EDAR: variants seen among roughly 807,000 people sequenced by gnomAD.
EDAR encodes the protein ectodysplasin A receptor, also known as tumor necrosis factor receptor superfamily member EDAR.
EDAR carries 38 observed loss-of-function variants against 51.3 expected under a neutral mutation model. The observed-to-expected ratio is 0.74, with a 90% CI of 0.57 to 0.97. The LOEUF (loss-of-function observed/expected upper bound fraction) is 0.97, where lower values mean the gene tolerates loss of function less well. EDAR is among the 50% of genes least tolerant of loss of function. The pLI is 0.00. For missense variants in EDAR, 528 were observed against 595.0 expected, an observed-to-expected ratio of 0.89 and a Z score of 1.17; for synonymous variants, 227 against 242.1, an observed-to-expected ratio of 0.94 and a Z score of 0.58.
intron 1 of EDAR, among the ~76,000 whole-genome samples, chr2:108,934,442 G>T (rs552390020): frequency 1.3e-5 from 2 of 152,326 alleles, no homozygotes; most frequent in Admixed American, 6.5e-5. Context: ...CCTGACTGAC[G>T]TGGGGCTCCA....
chr2:108,967,761 A>G (rs1698172695), intron 1 of EDAR, among the ~76,000 whole-genome samples: 1 of 152,154 alleles, frequency 6.6e-6, no homozygotes, highest in South Asian at 2.1e-4. Context: ...TAGACGGTGG[A>G]TTTCTGCTTG....
At chr2:108,952,444 G>C (rs537481080) in intron 1 of EDAR, among the ~76,000 whole-genome samples, 1 of 152,200 alleles carries the variant, frequency 6.6e-6, no homozygotes. Context: ...GATTAGGAAG[G>C]TTCAATTGAT....
At chr2:108,926,325 G>A (rs1386367697) in intron 4 of EDAR, among the ~76,000 whole-genome samples, 1 of 152,158 alleles carries the variant, frequency 6.6e-6, no homozygotes, top group African/African-American at 2.4e-5. Flanking sequence ...TTCTACATAG[G>A]TTGATTCAGG....
intron 11 of EDAR, among the ~76,000 whole-genome samples, chr2:108,902,701 C>A (rs1696724920): frequency 6.6e-6 from 1 of 152,102 alleles, no homozygotes; most frequent in South Asian, 2.1e-4. Flanking sequence ...ATGGCTTATT[C>A]CAGGGAGGCA....
At chr2:108,959,566 C>T (rs968826692) in intron 1 of EDAR, among the ~76,000 whole-genome samples, 8 of 152,152 alleles carry the variant, frequency 5.3e-5, no homozygotes, top group Non-Finnish European at 1.0e-4. Flanking sequence ...ACCTGGTTCT[C>T]ACAGCAGTCA....
rs554266147 is a variant in EDAR, at chr2:108,977,331, C to T, written c.-19+11629G>A. 2.6e-5 allele frequency among the ~76,000 whole-genome samples: 4 copies of T among 152,294 alleles called. No individual in the cohort carries two copies. In the East Asian group the frequency reaches 5.8e-4, roughly 22 times the overall value. The stretch of plus-strand genomic sequence containing the variant: ...TCGCCCAGGCTGGAATGCAGTGGCG[C>T]GATCTCGGCTCACTGCAAGCTGCGC... On this transcript the variant is annotated intron_variant, in intron 1 of 11. Coordinates refer to ENST00000258443, the MANE Select transcript of EDAR (RefSeq NM_022336.4).
intron 11 of EDAR, among the ~76,000 whole-genome samples, chr2:108,905,067 A>G (rs1014812541): frequency 6.6e-6 from 1 of 152,196 alleles, no homozygotes; most frequent in African/African-American, 2.4e-5. Context: ...ACAAAAAACA[A>G]AGAGACACAG....
chr2:108,922,547 G>A (rs1161492232), intron 5 of EDAR, among the ~76,000 whole-genome samples: 3 of 152,150 alleles, frequency 2.0e-5, no homozygotes, highest in Non-Finnish European at 4.4e-5. Context: ...CTTCTTTCCA[G>A]CGTGATAAGA....
At position 108,894,590 on chromosome 2, in the gene EDAR, G is replaced by GTGTT. The variant is rs1406057677; in HGVS notation, c.*2313_*2316dup. 1 of 152,542 alleles carries GTGTT rather than the reference G, an allele frequency of 6.6e-6. No individual in the cohort carries two copies. Among genetic ancestry groups the GTGTT allele is most frequent in the African/African-American group, 2.4e-5 (1 of 41,418 alleles). The allele number at this position is 152,542 out of a possible 1,614,324, so 9.4% of individuals were successfully genotyped here. Reference sequence around the variant, plus strand: ...CTAAGGGCCACAGACCTACCCTGGGGTGTTTTCTAAATGTTTTAAAGTATT... The same window carrying GTGTT: ...CTAAGGGCCACAGACCTACCCTGGGGTGTTTGTTTTCTAAATGTTTTAAAGTATT... On this transcript the variant is annotated 3_prime_UTR_variant, in exon 12 of 12. Transcript: ENST00000258443.
At chr2:108,982,762 G>A (rs931118782) in intron 1 of EDAR, among the ~76,000 whole-genome samples, 1 of 152,130 alleles carries the variant, frequency 6.6e-6, no homozygotes, top group African/African-American at 2.4e-5. Context: ...CGAGTGTCCC[G>A]AGTCACCTAA....
intron 1 of EDAR, among the ~76,000 whole-genome samples, chr2:108,988,335 G>T (rs540497315): frequency 6.6e-6 from 1 of 152,310 alleles, no homozygotes; most frequent in East Asian, 1.9e-4. Flanking sequence ...CTCCTGTCTA[G>T]GAGCCCAACC....
chr2:108,943,161 G>A (rs1231600123), intron 1 of EDAR, among the ~76,000 whole-genome samples: 14 of 152,140 alleles, frequency 9.2e-5, no homozygotes, highest in Admixed American at 7.9e-4. Flanking sequence ...TGTTCTACCG[G>A]TTTGAAAGAG....
intron 1 of EDAR, among the ~76,000 whole-genome samples, chr2:108,934,771 G>A (rs1366981301): frequency 6.6e-6 from 1 of 152,216 alleles, no homozygotes; most frequent in Non-Finnish European, 1.5e-5. Flanking sequence ...CATGAGGGCA[G>A]AGCCTCACGA....
chr2:108,979,430 C>CTCTTTCTCTT (rs70956287), intron 1 of EDAR, among the ~76,000 whole-genome samples: 5 of 148,260 alleles, frequency 3.4e-5, no homozygotes, highest in Non-Finnish European at 7.4e-5. Context: ...CTGTCTCTCT[C>CTCTTTCTCTT]TCTCTTTCTC....
intron 8 of EDAR, 80 bp from the exon 9 acceptor site, chr2:108,910,612 C>CCAACAGGAAGAGCAG: frequency 1.4e-6 from 2 of 1,430,970 alleles, no homozygotes; most frequent in Non-Finnish European, 2.0e-6. Context: ...CCTGCTCTTC[C>CCAACAGGAAGAGCAG]TGTTGGGCAG....
At chr2:108,981,374 G>C (rs1296204934) in intron 1 of EDAR, among the ~76,000 whole-genome samples, 3 of 152,192 alleles carry the variant, frequency 2.0e-5, no homozygotes, top group Non-Finnish European at 4.4e-5. Context: ...AAGAAGAAAG[G>C]CTCCTGAGGT....
At chr2:108,985,187 C>A (rs1397943199) in intron 1 of EDAR, among the ~76,000 whole-genome samples, 2 of 152,208 alleles carry the variant, frequency 1.3e-5, no homozygotes, top group Non-Finnish European at 2.9e-5. Flanking sequence ...TTGCCTATAT[C>A]TAGCTATTGA....
chr2:108,915,689 G>C (rs1482494110), intron 5 of EDAR, among the ~76,000 whole-genome samples: 1 of 152,112 alleles, frequency 6.6e-6, no homozygotes, highest in Non-Finnish European at 1.5e-5. Context: ...CACCTAAGAG[G>C]AGTTTGAGAC....
chr2:108,931,000 C>G lies in EDAR; in HGVS notation c.15G>C (p.Gly5=), dbSNP rs762657090. 2 of 1,613,986 alleles carry G rather than the reference C, an allele frequency of 1.2e-6. No individual in the cohort carries two copies. Among genetic ancestry groups the G allele is most frequent in the Admixed American group, 3.3e-5 (2 of 60,032 alleles). Residue 5 remains glycine (G), a synonymous_variant, in exon 2 of 12, where the codon GGG becomes GGC. Transcript: ENST00000258443. The part of the protein sequence containing the change: MAHV[G]DCTQTPWLPV... ...GGAGCCAGGGCGTCTGCGTGCAGTC[C>G]CCCACATGGGCCATCCTCTCCCAAG... is the stretch of plus-strand genomic sequence containing the variant.
Sources: gnomAD v4.1 joint callset for allele counts (sites outside exome capture counted in the v4.1 genomes callset) on GRCh38, gnomAD v4.1.1 for gene constraint, MANE v1.5 for transcripts, NCBI Gene and HGNC (gene_info 2026-07-23, HGNC 2026-07-21) for gene names.